PRELID2: variants seen among roughly 807,000 people sequenced by gnomAD.
PRELID2 encodes PRELI domain containing 2, also known as PRELI domain-containing protein 2.
A neutral mutation model predicts 28.4 loss-of-function variants in PRELID2; 25 were observed. That is an observed-to-expected ratio of 0.88 (90% CI 0.64 to 1.23). The LOEUF is 1.23. Among genes scored for constraint, PRELID2 ranks in the 50% most tolerant of loss-of-function variants. The pLI is 0.00. For missense variants in PRELID2, 201 were observed against 214.4 expected, an observed-to-expected ratio of 0.94 and a Z score of 0.39; for synonymous variants, 76 against 71.6, an observed-to-expected ratio of 1.06 and a Z score of -0.31.
chr5:145,656,544 C>G (rs932582113), intron 1 of PRELID2, among the ~76,000 whole-genome samples: 1 of 152,068 alleles, frequency 6.6e-6, no homozygotes, highest in Admixed American at 6.6e-5. Flanking sequence ...AAATGTGGCA[C>G]ATATACACCA....
At chr5:145,229,854 G>C in the PRELID2 span, 1 of 757,314 alleles carries the variant, frequency 1.3e-6, no homozygotes, top group South Asian at 1.3e-5. Flanking sequence ...GCCGGCAGAA[G>C]GGAAAGTGCA....
chr5:145,813,612 C>G (rs989041835), intron 4 of PRELID2, among the ~76,000 whole-genome samples: 2 of 152,174 alleles, frequency 1.3e-5, no homozygotes, highest in Non-Finnish European at 2.9e-5. Flanking sequence ...GCTTAGCAAT[C>G]TACTGACTGT....
At chr5:145,303,464 T>C in the PRELID2 span, among the ~76,000 whole-genome samples, 1 of 152,256 alleles carries the variant, frequency 6.6e-6, no homozygotes, top group South Asian at 2.1e-4. Context: ...ATTTTTAAGC[T>C]CTTATAGAGA....
At chr5:145,382,857 AAAAT>A in the PRELID2 span, among the ~76,000 whole-genome samples, 4 of 151,946 alleles carry the variant, frequency 2.6e-5, no homozygotes, top group Non-Finnish European at 5.9e-5. Flanking sequence ...TCCAGAATCT[AAAAT>A]AAAAATTTGA....
At chr5:145,377,610 G>C in the PRELID2 span, among the ~76,000 whole-genome samples, 541 of 152,136 alleles carry the variant, frequency 3.6e-3, 7 homozygotes, top group African/African-American at 0.012. Flanking sequence ...ACCCTTTACT[G>C]TTATGCAATG....
At chr5:145,347,283 A>C in the PRELID2 span, among the ~76,000 whole-genome samples, 1 of 152,212 alleles carries the variant, frequency 6.6e-6, no homozygotes, top group Non-Finnish European at 1.5e-5. Context: ...AGTTGAAAAA[A>C]ATAAAAATGG....
At chr5:145,541,041 T>C (rs1039466434) in intron 1 of PRELID2, among the ~76,000 whole-genome samples, 4 of 152,018 alleles carry the variant, frequency 2.6e-5, no homozygotes, top group African/African-American at 7.2e-5. Flanking sequence ...ATGAACCAAG[T>C]TGTCAAAAGT....
At chr5:145,375,495 C>G in the PRELID2 span, among the ~76,000 whole-genome samples, 1 of 152,120 alleles carries the variant, frequency 6.6e-6, no homozygotes, top group Non-Finnish European at 1.5e-5. Flanking sequence ...AGCACTTTGT[C>G]CCTTGGTGGA....
At chr5:145,449,109 C>T in the PRELID2 span, among the ~76,000 whole-genome samples, 985 of 152,172 alleles carry the variant, frequency 6.5e-3, 2 homozygotes, top group Non-Finnish European at 0.01. Flanking sequence ...GCCAGCAACC[C>T]CTCCAAAATG....
intron 5 of PRELID2, among the ~76,000 whole-genome samples, chr5:145,790,484 G>T (rs557305197): frequency 6.6e-6 from 1 of 151,980 alleles, no homozygotes; most frequent in Admixed American, 6.6e-5. Context: ...GGGGAGGTGC[G>T]AGAGAATAAG....
At chr5:145,323,207 T>A in the PRELID2 span, among the ~76,000 whole-genome samples, 1 of 150,164 alleles carries the variant, frequency 6.7e-6, no homozygotes, top group Non-Finnish European at 1.5e-5. Flanking sequence ...TGCAAAGGGC[T>A]TTAAAGCTAG....
chr5:145,307,881 C>A, the PRELID2 span, among the ~76,000 whole-genome samples: 4 of 152,152 alleles, frequency 2.6e-5, no homozygotes, highest in Non-Finnish European at 4.4e-5. Context: ...CATCTATGTA[C>A]GGTCATTTAC....
chr5:145,665,164 T>C (rs1377969089), intron 1 of PRELID2, among the ~76,000 whole-genome samples: 1 of 151,956 alleles, frequency 6.6e-6, no homozygotes, highest in African/African-American at 2.4e-5. Flanking sequence ...AAAGAAGAGT[T>C]TTAACTCTAC....
chr5:145,401,783 G>A, the PRELID2 span, among the ~76,000 whole-genome samples: 43,436 of 152,042 alleles, frequency 0.29, 6,736 homozygotes, highest in East Asian at 0.58. Context: ...ACTGTCTCTC[G>A]AACATTTAGT....
At chr5:145,505,663 G>T (rs1752404716) in intron 1 of PRELID2, among the ~76,000 whole-genome samples, 1 of 152,146 alleles carries the variant, frequency 6.6e-6, no homozygotes, top group Admixed American at 6.6e-5. Flanking sequence ...TTATCCAAAA[G>T]AATTGAAATC....
the PRELID2 span, among the ~76,000 whole-genome samples, chr5:145,413,003 G>C: frequency 6.6e-6 from 1 of 152,038 alleles, no homozygotes; most frequent in Non-Finnish European, 1.5e-5. Context: ...CAATTATCTT[G>C]ACCTGTCCCC....
At chr5:145,300,751 A>G in the PRELID2 span, among the ~76,000 whole-genome samples, 1 of 144,688 alleles carries the variant, frequency 6.9e-6, no homozygotes, top group African/African-American at 2.6e-5. Flanking sequence ...ATATCCCACT[A>G]AGAATATTTA....
At chr5:145,527,665 G>A (rs899460205) in intron 1 of PRELID2, among the ~76,000 whole-genome samples, 2 of 152,134 alleles carry the variant, frequency 1.3e-5, no homozygotes, top group African/African-American at 4.8e-5. Context: ...AGCTTTTACT[G>A]TAGAGCAAAA....
chr5:145,791,907 C>A (rs1309509076), intron 5 of PRELID2, among the ~76,000 whole-genome samples: 1 of 152,118 alleles, frequency 6.6e-6, no homozygotes, highest in Non-Finnish European at 1.5e-5. Flanking sequence ...ACCTGCAAGG[C>A]ACTGTGGAGT....
Sources: gnomAD v4.1 joint callset for allele counts (sites outside exome capture counted in the v4.1 genomes callset) on GRCh38, gnomAD v4.1.1 for gene constraint, MANE v1.5 for transcripts, NCBI Gene and HGNC (gene_info 2026-07-23, HGNC 2026-07-21) for gene names.